Variants in SLIT2 observed in about 807,000 individuals in gnomAD.
The protein encoded by SLIT2 is slit homolog 2 protein.
In SLIT2, 41 loss-of-function variants were observed where a neutral mutation model predicts 185.7. That is an observed-to-expected ratio of 0.22 (90% CI 0.17 to 0.29). SLIT2 has a LOEUF of 0.29. Ranked by LOEUF, SLIT2 falls within the 10% of genes least tolerant of loss-of-function variation. The probability of loss-of-function intolerance (pLI) is 1.00; values close to 1 mark genes in which losing one functional copy is unlikely to be tolerated. For synonymous variants in SLIT2, 693 were observed against 680.2 expected, an observed-to-expected ratio of 1.02 and a Z score of -0.29; for missense variants, 1,571 against 1,909.0, an observed-to-expected ratio of 0.82 and a Z score of 3.30.
At chr4:20,555,410 T>C (rs1266365566) in intron 26 of SLIT2, among the ~76,000 whole-genome samples, 1 of 152,100 alleles carries the variant, frequency 6.6e-6, no homozygotes, top group East Asian at 1.9e-4. Flanking sequence ...AACTGTAGTT[T>C]AATTACTTTA....
intron 22 of SLIT2, among the ~76,000 whole-genome samples, chr4:20,547,174 GA>G (rs1173446558): frequency 6.6e-6 from 1 of 152,028 alleles, no homozygotes; most frequent in African/African-American, 2.4e-5. Flanking sequence ...TTAAACAATG[GA>G]AAAAGATATC....
At chr4:20,407,172 G>A (rs1726839043) in intron 4 of SLIT2, among the ~76,000 whole-genome samples, 1 of 152,118 alleles carries the variant, frequency 6.6e-6, no homozygotes, top group African/African-American at 2.4e-5. Flanking sequence ...TTATAGGGGA[G>A]GGAGTTGCTA....
intron 4 of SLIT2, among the ~76,000 whole-genome samples, chr4:20,390,040 A>G (rs1186450536): frequency 6.6e-6 from 1 of 152,100 alleles, no homozygotes; most frequent in Non-Finnish European, 1.5e-5. Context: ...ATAAGAAGTT[A>G]AAATTCAGAA....
At chr4:20,329,997 C>A (rs1158406278) in intron 4 of SLIT2, among the ~76,000 whole-genome samples, 1 of 151,590 alleles carries the variant, frequency 6.6e-6, no homozygotes, top group Non-Finnish European at 1.5e-5. Flanking sequence ...TTTTTATTTT[C>A]TTCTTTGCCT....
intron 34 of SLIT2, among the ~76,000 whole-genome samples, chr4:20,614,025 C>T (rs1384134236): frequency 1.3e-5 from 2 of 152,142 alleles, no homozygotes; most frequent in Non-Finnish European, 1.5e-5. Context: ...GCGCCTGCTA[C>T]CACGCCCAGC....
At chr4:20,396,790 T>G (rs1448837917) in intron 4 of SLIT2, among the ~76,000 whole-genome samples, 2 of 149,262 alleles carry the variant, frequency 1.3e-5, no homozygotes, top group African/African-American at 4.9e-5. Context: ...TGGTTTTTTT[T>G]GTTCTCATAT....
At chr4:20,323,503 A>G (rs1419178262) in intron 4 of SLIT2, among the ~76,000 whole-genome samples, 1 of 152,212 alleles carries the variant, frequency 6.6e-6, no homozygotes, top group African/African-American at 2.4e-5. Context: ...ATTAAGGCAA[A>G]TACACATGGA....
intron 4 of SLIT2, among the ~76,000 whole-genome samples, chr4:20,446,002 C>T (rs1711754448): frequency 6.6e-6 from 1 of 152,154 alleles, no homozygotes; most frequent in Admixed American, 6.5e-5. Context: ...TGTTCATTTC[C>T]TCTTGTTCAT....
chr4:20,311,410 T>C (rs917478962), intron 4 of SLIT2, among the ~76,000 whole-genome samples: 5 of 152,200 alleles, frequency 3.3e-5, no homozygotes, highest in Non-Finnish European at 7.3e-5. Context: ...CATTTTTGTG[T>C]TCGAAAGTCA....
intron 18 of SLIT2, among the ~76,000 whole-genome samples, chr4:20,538,065 G>A (rs1364290981): frequency 2.0e-5 from 3 of 152,120 alleles, no homozygotes; most frequent in South Asian, 4.1e-4. Flanking sequence ...GTTCACGCCA[G>A]TCTCCTGCCT....
chr4:20,305,424 A>C (rs1008532534), intron 4 of SLIT2, among the ~76,000 whole-genome samples: 1 of 152,224 alleles, frequency 6.6e-6, no homozygotes, highest in Admixed American at 6.5e-5. Flanking sequence ...CTTTCTATTA[A>C]ATTTAAGCTA....
At chr4:20,473,544 G>C (rs1465666655) in intron 5 of SLIT2, among the ~76,000 whole-genome samples, 1 of 151,986 alleles carries the variant, frequency 6.6e-6, no homozygotes, top group African/African-American at 2.4e-5. Context: ...CCTATGTGTT[G>C]TTACAGAGCT....
intron 4 of SLIT2, among the ~76,000 whole-genome samples, chr4:20,444,635 A>G (rs1189214784): frequency 6.6e-6 from 1 of 152,244 alleles, no homozygotes; most frequent in Non-Finnish European, 1.5e-5. Context: ...TGGATAGCCC[A>G]GTGCAGTATC....
intron 25 of SLIT2, chr4:20,552,580 A>T (rs1723866130): frequency 6.6e-6 from 1 of 152,084 alleles, no homozygotes; most frequent in Admixed American, 6.6e-5. Flanking sequence ...AATGACTAAA[A>T]AACATCATTT....
At position 20,534,509 on chromosome 4, in the gene SLIT2, C is replaced by T. The variant is rs1364733165; in HGVS notation, c.1832+794C>T. ...TGTGGCATACAAACACGCATATACACACATATACATTGTATCTAAAAAGTA... is the reference window on the plus strand; with the variant it reads ...TGTGGCATACAAACACGCATATACATACATATACATTGTATCTAAAAAGTA... On this transcript the variant is annotated intron_variant, in intron 18 of 36. Coordinates refer to ENST00000504154, the MANE Select transcript of SLIT2 (RefSeq NM_004787.4). 2.0e-5 allele frequency among the ~76,000 whole-genome samples: 3 copies of T among 152,278 alleles called. No individual in the cohort carries two copies. In the East Asian group the frequency reaches 5.8e-4, roughly 29 times the overall value.
chr4:20,553,670 G>GGGGAT, intron 25 of SLIT2, 135 bp from the exon 26 acceptor site: 2 of 795,548 alleles, frequency 2.5e-6, no homozygotes, highest in Non-Finnish European at 3.5e-6. Flanking sequence ...ATAAATCTAT[G>GGGGAT]GGGATTTTCT....
chr4:20,363,541 A>G (rs975866055), intron 4 of SLIT2, among the ~76,000 whole-genome samples: 1 of 152,094 alleles, frequency 6.6e-6, no homozygotes, highest in Non-Finnish European at 1.5e-5. Flanking sequence ...CAACACAGCA[A>G]TGTATTTCTA....
intron 4 of SLIT2, among the ~76,000 whole-genome samples, chr4:20,436,299 T>C (rs1577655408): frequency 6.6e-6 from 1 of 152,218 alleles, no homozygotes; most frequent in East Asian, 1.9e-4. Context: ...TATATGCTTG[T>C]TAGGCAAACA....
chr4:20,366,192 T>G (rs1330704064), intron 4 of SLIT2, among the ~76,000 whole-genome samples: 1 of 152,070 alleles, frequency 6.6e-6, no homozygotes, highest in Non-Finnish European at 1.5e-5. Flanking sequence ...TCTTTGTCCT[T>G]CTTTTTCTTC....
Sources: allele counts gnomAD v4.1 joint callset (sites outside exome capture counted in the v4.1 genomes callset), GRCh38; gene constraint gnomAD v4.1.1; transcripts MANE v1.5; gene names NCBI Gene and HGNC (gene_info 2026-07-23, HGNC 2026-07-21).